DLC1: variants seen among roughly 807,000 people sequenced by gnomAD.
The protein encoded by DLC1 is DLC1 Rho GTPase activating protein.
DLC1 carries 54 observed loss-of-function variants against 140.3 expected under a neutral mutation model. The observed-to-expected ratio is 0.38, with a 90% CI of 0.31 to 0.48. The LOEUF (loss-of-function observed/expected upper bound fraction) is 0.48, where lower values mean the gene tolerates loss of function less well. Ranked by LOEUF, DLC1 falls within the 20% of genes least tolerant of loss-of-function variation. The pLI is 0.96. For synonymous variants in DLC1, 986 were observed against 728.1 expected, an observed-to-expected ratio of 1.35 and a Z score of -5.70; for missense variants, 2,536 against 1,907.0, an observed-to-expected ratio of 1.33 and a Z score of -6.14.
At chr8:13,263,619 C>T (rs2117343737) in intron 5 of DLC1, among the ~76,000 whole-genome samples, 1 of 150,402 alleles carries the variant, frequency 6.6e-6, no homozygotes, top group Non-Finnish European at 1.5e-5. Flanking sequence ...TATATATGTG[C>T]ATGTATATAT....
chr8:13,351,690 G>A (rs1834671421), intron 4 of DLC1, among the ~76,000 whole-genome samples: 1 of 152,156 alleles, frequency 6.6e-6, no homozygotes, highest in South Asian at 2.1e-4. Flanking sequence ...ACAGAGACTG[G>A]AGAGCCCACA....
At chr8:13,194,847 A>G (rs1318288328) in intron 5 of DLC1, among the ~76,000 whole-genome samples, 3 of 152,068 alleles carry the variant, frequency 2.0e-5, no homozygotes, top group Non-Finnish European at 4.4e-5. Flanking sequence ...CATCTTTACA[A>G]AAATATAGGA....
intron 2 of DLC1, among the ~76,000 whole-genome samples, chr8:13,487,331 T>G (rs572643084): frequency 6.6e-6 from 1 of 152,306 alleles, no homozygotes; most frequent in East Asian, 1.9e-4. Flanking sequence ...CTACATGTCA[T>G]AATTCTCTTA....
rs80349128 is a variant in DLC1 at position 13,432,988 on chromosome 8, G to A, written c.1024-31369C>T. Reference sequence around the variant, plus strand: ...TTTCCTTTTTCAAACATAGGGGAGAGAGAATCTAACTTGTAAGTTGAAGAA... The same window carrying A: ...TTTCCTTTTTCAAACATAGGGGAGAAAGAATCTAACTTGTAAGTTGAAGAA... On this transcript the variant is annotated intron_variant, in intron 2 of 17. Coordinates refer to ENST00000276297, the MANE Select transcript of DLC1 (RefSeq NM_182643.3). Among the ~76,000 whole-genome samples, 800 of 136,240 alleles carry A rather than the reference G, an allele frequency of 5.9e-3. 10 individuals carry two copies. Among genetic ancestry groups the A allele is most frequent in the African/African-American group, 0.021 (767 of 36,122 alleles). The allele number at this position is 136,240 out of a possible 152,430, so 89.4% of individuals were successfully genotyped here.
At chr8:13,516,946 C>T (rs1802607905), upstream of DLC1, among the ~76,000 whole-genome samples, 1 of 152,094 alleles carries the variant, frequency 6.6e-6, no homozygotes, top group Non-Finnish European at 1.5e-5. Context: ...ATTTTTTCTC[C>T]ATAAACTGCC....
At chr8:13,595,076 C>T (rs1247349600) in intron 1 of DLC1, among the ~76,000 whole-genome samples, 1 of 151,844 alleles carries the variant, frequency 6.6e-6, no homozygotes, top group African/African-American at 2.4e-5. Context: ...TTCAGATCGC[C>T]AGAGAATCTG....
intron 2 of DLC1, among the ~76,000 whole-genome samples, chr8:13,453,980 T>G (rs1799273652): frequency 6.6e-6 from 1 of 152,188 alleles, no homozygotes; most frequent in Non-Finnish European, 1.5e-5. Flanking sequence ...TTAACTTATC[T>G]TACTATATGT....
chr8:13,164,604 C>T (rs1339544809), intron 5 of DLC1, among the ~76,000 whole-genome samples: 1 of 152,088 alleles, frequency 6.6e-6, no homozygotes, highest in Non-Finnish European at 1.5e-5. Flanking sequence ...ACCATGTTGG[C>T]ATGGGATGTG....
At chr8:13,091,024 T>C (rs1225179047) in intron 14 of DLC1, among the ~76,000 whole-genome samples, 3 of 151,824 alleles carry the variant, frequency 2.0e-5, no homozygotes, top group Non-Finnish European at 2.9e-5. Context: ...CCCGGGTTGG[T>C]CTTGAACTCC....
chr8:13,197,614 G>A (rs572751349), intron 5 of DLC1, among the ~76,000 whole-genome samples: 1 of 152,118 alleles, frequency 6.6e-6, no homozygotes, highest in South Asian at 2.1e-4. Context: ...CCAAAGTGCT[G>A]GGATTACAGG....
intron 1 of DLC1, among the ~76,000 whole-genome samples, chr8:13,602,789 T>A (rs1412306116): frequency 6.6e-6 from 1 of 151,954 alleles, no homozygotes; most frequent in Non-Finnish European, 1.5e-5. Flanking sequence ...TTTTGGCTTT[T>A]TGTATTTTCC....
chr8:13,330,640 C>G (rs1833546101), intron 4 of DLC1, among the ~76,000 whole-genome samples: 1 of 152,156 alleles, frequency 6.6e-6, no homozygotes, highest in Non-Finnish European at 1.5e-5. Context: ...AAGCTGTGGT[C>G]TCTGCATCAT....
chr8:13,115,874 C>T lies in DLC1; in HGVS notation c.1349-217G>A, dbSNP rs114438983. On this transcript the variant is annotated intron_variant, in intron 5 of 17. Coordinates refer to ENST00000276297, the MANE Select transcript of DLC1 (RefSeq NM_182643.3). ...TACATGAGGATGTATTTTCCCTTTACAAAAAATAGAAATGGGGTCCTGAGA... is the reference window on the plus strand; with the variant it reads ...TACATGAGGATGTATTTTCCCTTTATAAAAAATAGAAATGGGGTCCTGAGA... Among the ~76,000 whole-genome samples, 1,473 of 152,156 alleles carry T rather than the reference C, an allele frequency of 9.7e-3. 30 individuals carry two copies. Among genetic ancestry groups the T allele is most frequent in the African/African-American group, 0.034 (1,403 of 41,504 alleles).
At chr8:13,173,630 A>G (rs1825607740) in intron 5 of DLC1, among the ~76,000 whole-genome samples, 1 of 152,148 alleles carries the variant, frequency 6.6e-6, no homozygotes, top group Non-Finnish European at 1.5e-5. Flanking sequence ...TTGGCCTTCC[A>G]AAGTGCTGAG....
intron 4 of DLC1, among the ~76,000 whole-genome samples, chr8:13,344,729 C>T (rs1180270820): frequency 6.6e-6 from 1 of 152,132 alleles, no homozygotes; most frequent in Non-Finnish European, 1.5e-5. Context: ...ACAAGATAGA[C>T]TGAACGATTA....
At chr8:13,367,985 G>C (rs74624013) in intron 4 of DLC1, among the ~76,000 whole-genome samples, 3,960 of 152,284 alleles carry the variant, frequency 0.026, 78 homozygotes, top group South Asian at 0.086. Flanking sequence ...GTTTGGAAGA[G>C]TGTCTATACC....
At chr8:13,486,420 C>G (rs1004315647) in intron 2 of DLC1, among the ~76,000 whole-genome samples, 1 of 152,034 alleles carries the variant, frequency 6.6e-6, no homozygotes, top group Admixed American at 6.5e-5. Context: ...TAAGAAAACC[C>G]TTAATATTAG....
At chr8:13,299,910 G>A (rs1197890898) in intron 5 of DLC1, among the ~76,000 whole-genome samples, 1 of 152,278 alleles carries the variant, frequency 6.6e-6, no homozygotes, top group South Asian at 2.1e-4. Flanking sequence ...AAATGCCACT[G>A]AGTCAGCAAT....
At chr8:13,448,523 C>T (rs541621605) in intron 2 of DLC1, among the ~76,000 whole-genome samples, 8 of 152,002 alleles carry the variant, frequency 5.3e-5, no homozygotes, top group South Asian at 2.1e-4. Context: ...CCACCACACC[C>T]GGCTAATTTT....
Sources: gnomAD v4.1 joint callset for allele counts (sites outside exome capture counted in the v4.1 genomes callset) on GRCh38, gnomAD v4.1.1 for gene constraint, MANE v1.5 for transcripts, NCBI Gene and HGNC (gene_info 2026-07-23, HGNC 2026-07-21) for gene names.